Variants in NCOA2 observed in about 807,000 individuals in gnomAD.
NCOA2 encodes the protein nuclear receptor coactivator 2.
NCOA2 carries 21 observed loss-of-function variants against 145.1 expected under a neutral mutation model. The ratio of observed to expected loss-of-function variants is 0.14; its 90% CI spans 0.10 to 0.21. The LOEUF (loss-of-function observed/expected upper bound fraction) is 0.21. Ranked by LOEUF, NCOA2 falls within the 10% of genes least tolerant of loss-of-function variation. NCOA2 has a pLI of 1.00. For missense variants in NCOA2, 1,472 were observed against 1,837.6 expected (o/e 0.80, Z 3.64); for synonymous variants, 619 against 637.5 (o/e 0.97, Z 0.44).
At chr8:70,295,672 T>A (rs911462735) in intron 2 of NCOA2, among the ~76,000 whole-genome samples, 1 of 152,186 alleles carries the variant, frequency 6.6e-6, no homozygotes, top group Non-Finnish European at 1.5e-5. Flanking sequence ...CTGGGCGCAG[T>A]GGCTCACGTC....
chr8:70,276,685 T>TA (rs1443885018), intron 2 of NCOA2, among the ~76,000 whole-genome samples: 1 of 152,198 alleles, frequency 6.6e-6, no homozygotes, highest in East Asian at 1.9e-4. Flanking sequence ...CCATGACTGT[T>TA]AAGTTTCCTG....
rs1013839238 is a variant in NCOA2 at position 70,110,532 on chromosome 8, A to G, written c.*3100T>C. Reference sequence around the variant, plus strand: ...TTAGGCAGCATACCACCATACAAACACTAGAAAATTTTAAATTCACACCAA... The same window carrying G: ...TTAGGCAGCATACCACCATACAAACGCTAGAAAATTTTAAATTCACACCAA... On this transcript the variant is annotated 3_prime_UTR_variant, in exon 23 of 23. Coordinates refer to ENST00000452400, the MANE Select transcript of NCOA2 (RefSeq NM_006540.4). 5 of 203,342 alleles carry G rather than the reference A, an allele frequency of 2.5e-5. No homozygotes were observed. Among genetic ancestry groups the G allele is most frequent in the Non-Finnish European group, 2.0e-5 (2 of 99,000 alleles). The allele number at this position is 203,342 out of a possible 1,614,324, so 12.6% of individuals were successfully genotyped here. A position where few individuals can be genotyped will look rare whatever the true frequency, so the allele number is the denominator to read the frequency against.
At chr8:70,118,095 G>A (rs1040220405) in intron 22 of NCOA2, among the ~76,000 whole-genome samples, 2 of 152,222 alleles carry the variant, frequency 1.3e-5, no homozygotes, top group Non-Finnish European at 2.9e-5. Context: ...CTGCTCTGCT[G>A]GAGCCCTGGC....
At chr8:70,153,551 C>T (rs748087858) in intron 11 of NCOA2, among the ~76,000 whole-genome samples, 3 of 152,106 alleles carry the variant, frequency 2.0e-5, no homozygotes, top group Non-Finnish European at 2.9e-5. Context: ...AGAAATAAAT[C>T]GTTTACACAG....
At chr8:70,312,043 T>A (rs1805167383) in intron 1 of NCOA2, among the ~76,000 whole-genome samples, 1 of 152,158 alleles carries the variant, frequency 6.6e-6, no homozygotes, top group South Asian at 2.1e-4. Context: ...GGAAAATGCC[T>A]AAAGGGAGGC....
chr8:70,167,313 T>A (rs1162085984), intron 6 of NCOA2, among the ~76,000 whole-genome samples: 1 of 152,166 alleles, frequency 6.6e-6, no homozygotes, highest in Non-Finnish European at 1.5e-5. Context: ...CTCCATTGCA[T>A]CCATCTAACG....
At chr8:70,374,576 G>A (rs895238591) in intron 1 of NCOA2, among the ~76,000 whole-genome samples, 2 of 152,056 alleles carry the variant, frequency 1.3e-5, no homozygotes, top group Admixed American at 1.3e-4. Context: ...GCCAAGGCAG[G>A]AGGATCACTT....
intron 1 of NCOA2, among the ~76,000 whole-genome samples, chr8:70,353,783 C>G (rs1045114342): frequency 1.3e-5 from 2 of 151,986 alleles, no homozygotes; most frequent in African/African-American, 4.8e-5. Flanking sequence ...GATTTAAGTA[C>G]GCTTGATTAT....
Position 70,377,973 on chromosome 8 carries a change from A to C in NCOA2, c.-77+25727T>G, listed in dbSNP as rs1269730622. On this transcript the variant is annotated intron_variant, in intron 1 of 22. Transcript: ENST00000452400. ...TCCATAGACTGATACTGGCCTAATT[A>C]TCAGTGCCAAAATCAGTTTGGGTTT... is the stretch of plus-strand genomic sequence containing the variant. Among the ~76,000 whole-genome samples, 5 of 152,326 alleles carry C rather than the reference A, an allele frequency of 3.3e-5. No homozygotes were observed. In the East Asian group the frequency reaches 5.8e-4, roughly 18 times the overall value.
At chr8:70,163,759 G>A (rs1485918878) in intron 7 of NCOA2, among the ~76,000 whole-genome samples, 193 bp from the exon 8 acceptor site, 1 of 152,144 alleles carries the variant, frequency 6.6e-6, no homozygotes, top group Non-Finnish European at 1.5e-5. Context: ...GGAGACGGAG[G>A]GTGGCTGTGT....
At chr8:70,118,121 G>A (rs1170499268) in intron 22 of NCOA2, among the ~76,000 whole-genome samples, 1 of 152,208 alleles carries the variant, frequency 6.6e-6, no homozygotes, top group Non-Finnish European at 1.5e-5. Context: ...TGGCTAGCAT[G>A]CAGCCGCATG....
chr8:70,441,549 AAG>A, the NCOA2 span, among the ~76,000 whole-genome samples: 2 of 150,742 alleles, frequency 1.3e-5, no homozygotes, highest in Non-Finnish European at 3.0e-5. Context: ...AAGAGAGAGA[AAG>A]AAAGAGGAAA....
intron 1 of NCOA2, among the ~76,000 whole-genome samples, chr8:70,372,154 T>A (rs1811284004): frequency 6.6e-6 from 1 of 152,030 alleles, no homozygotes; most frequent in Admixed American, 6.6e-5. Flanking sequence ...AGACATAAAA[T>A]ACATTTATTT....
chr8:70,319,322 G>A (rs541840582), intron 1 of NCOA2, among the ~76,000 whole-genome samples: 6 of 151,836 alleles, frequency 4.0e-5, no homozygotes, highest in South Asian at 4.2e-4. Flanking sequence ...TGGGCAGGTC[G>A]CTTGAGCCCA....
chr8:70,315,327 C>T (rs1411993437), intron 1 of NCOA2, among the ~76,000 whole-genome samples: 1 of 152,100 alleles, frequency 6.6e-6, no homozygotes, highest in Non-Finnish European at 1.5e-5. Context: ...AACAGAATAA[C>T]CTCTTAGAGA....
chr8:70,297,403 A>G (rs1343004671), intron 1 of NCOA2, among the ~76,000 whole-genome samples: 1 of 152,210 alleles, frequency 6.6e-6, no homozygotes, highest in East Asian at 1.9e-4. Context: ...GCACTATCAC[A>G]GCTCACTGCA....
chr8:70,456,219 G>A, the NCOA2 span, among the ~76,000 whole-genome samples: 1 of 152,148 alleles, frequency 6.6e-6, no homozygotes, highest in Non-Finnish European at 1.5e-5. Context: ...ATATGCTGAG[G>A]ACACTAACAT....
At chr8:70,183,588 C>G (rs945169750) in intron 4 of NCOA2, among the ~76,000 whole-genome samples, 1 of 152,180 alleles carries the variant, frequency 6.6e-6, no homozygotes, top group Non-Finnish European at 1.5e-5. Flanking sequence ...CTGTCTCCCC[C>G]CAAATGCATC....
intron 4 of NCOA2, among the ~76,000 whole-genome samples, chr8:70,177,376 C>T (rs1194410311): frequency 1.3e-5 from 2 of 152,120 alleles, no homozygotes; most frequent in African/African-American, 2.4e-5. Flanking sequence ...TGAACTGTGT[C>T]TGGATCCTCA....
Sources: gnomAD v4.1 joint callset for allele counts (sites outside exome capture counted in the v4.1 genomes callset) on GRCh38, gnomAD v4.1.1 for gene constraint, MANE v1.5 for transcripts, NCBI Gene and HGNC (gene_info 2026-07-23, HGNC 2026-07-21) for gene names.